Variants in PLEKHM3 observed in about 807,000 individuals in gnomAD.
The protein encoded by PLEKHM3 is pleckstrin homology domain-containing family M member 3.
In PLEKHM3, 45 loss-of-function variants were observed where a neutral mutation model predicts 81.8. The observed-to-expected ratio is 0.55, with a 90% CI of 0.43 to 0.71. PLEKHM3 has a LOEUF of 0.71. Among genes scored for constraint, PLEKHM3 ranks in the 30% least tolerant of loss-of-function variants. PLEKHM3 has a pLI of 0.00. For missense variants in PLEKHM3, 788 were observed against 924.3 expected, an observed-to-expected ratio of 0.85 and a Z score of 1.91; for synonymous variants, 352 against 356.4, an observed-to-expected ratio of 0.99 and a Z score of 0.14.
chr2:207,906,084 G>A (rs926622369), intron 6 of PLEKHM3, among the ~76,000 whole-genome samples: 7 of 152,280 alleles, frequency 4.6e-5, no homozygotes, highest in Middle Eastern at 3.4e-3. Flanking sequence ...CAAAACTCAC[G>A]TTTGAAAGGC....
At chr2:207,881,227 T>C (rs2092589849) in intron 6 of PLEKHM3, among the ~76,000 whole-genome samples, 1 of 152,218 alleles carries the variant, frequency 6.6e-6, no homozygotes, top group African/African-American at 2.4e-5. Context: ...TAGCTAATTC[T>C]TCTGAAGATT....
intron 4 of PLEKHM3, among the ~76,000 whole-genome samples, chr2:207,936,270 T>C (rs1490908298): frequency 6.6e-6 from 1 of 152,152 alleles, no homozygotes; most frequent in Non-Finnish European, 1.5e-5. Context: ...CTGCGCCCAG[T>C]CTATTTGTGT....
chr2:207,869,228 A>G (rs1305180275), intron 6 of PLEKHM3, among the ~76,000 whole-genome samples: 1 of 152,218 alleles, frequency 6.6e-6, no homozygotes, highest in Non-Finnish European at 1.5e-5. Flanking sequence ...ATTTGGTAAT[A>G]TGACTAGTGA....
In PLEKHM3 at chr2:207,976,146, C is replaced by T. The variant is rs963411653; in HGVS notation, c.1546+505G>A. 5.3e-5 allele frequency among the ~76,000 whole-genome samples: 8 copies of T among 152,214 alleles called. 1 individual carries two copies. Among genetic ancestry groups the T allele is most frequent in the African/African-American group, 1.9e-4 (8 of 41,448 alleles). The stretch of plus-strand genomic sequence containing the variant: ...CCGCTTTTAGCCACCCCCACATTTT[C>T]TGTCAAGACTGATTTTCTAGATTTC... On this transcript the variant is annotated intron_variant, in intron 3 of 7. Transcript: ENST00000427836. This position sits in a 1 kb window ranked among gnomAD's most constrained non-coding sequence, Gnocchi z 4.1.
chr2:207,833,430 T>C (rs1293991104), intron 7 of PLEKHM3, among the ~76,000 whole-genome samples: 1 of 152,170 alleles, frequency 6.6e-6, no homozygotes, highest in East Asian at 1.9e-4. Context: ...CGTCCTCCCT[T>C]TGCAGTGTCT....
chr2:207,849,136 C>G (rs1333752880), intron 7 of PLEKHM3, among the ~76,000 whole-genome samples: 7 of 152,074 alleles, frequency 4.6e-5, no homozygotes, highest in Non-Finnish European at 1.0e-4. Flanking sequence ...GAGTTCGAGA[C>G]CAGCCTGGCC....
intron 2 of PLEKHM3, among the ~76,000 whole-genome samples, chr2:207,984,215 T>C (rs1691637901): frequency 6.6e-6 from 1 of 152,198 alleles, no homozygotes; most frequent in Non-Finnish European, 1.5e-5. Flanking sequence ...TGCTGGTATG[T>C]TTGAAAGCAA....
chr2:207,919,756 G>T (rs1397443463), intron 5 of PLEKHM3, among the ~76,000 whole-genome samples: 3 of 152,188 alleles, frequency 2.0e-5, no homozygotes, highest in Non-Finnish European at 4.4e-5. Context: ...GACAGCCAAA[G>T]AACATTTCAA....
At chr2:207,981,127 CAA>C (rs553157217) in intron 2 of PLEKHM3, among the ~76,000 whole-genome samples, 16 of 73,446 alleles carry the variant, frequency 2.2e-4, no homozygotes, top group Admixed American at 4.9e-4. Context: ...GACTCCATCT[CAA>C]AAAAAAAAAA....
chr2:207,930,622 T>G (rs1689558213), intron 5 of PLEKHM3, among the ~76,000 whole-genome samples: 1 of 152,158 alleles, frequency 6.6e-6, no homozygotes, highest in Admixed American at 6.5e-5. Flanking sequence ...TTTCCATGAT[T>G]ATTATCTCAA....
intron 6 of PLEKHM3, among the ~76,000 whole-genome samples, chr2:207,874,139 A>T (rs2092548919): frequency 6.6e-6 from 1 of 152,192 alleles, no homozygotes; most frequent in Non-Finnish European, 1.5e-5. Context: ...GCACCTGTAC[A>T]TCCGGAATAT....
intron 1 of PLEKHM3, among the ~76,000 whole-genome samples, chr2:208,007,828 G>A (rs1404391198): frequency 6.6e-6 from 1 of 152,138 alleles, no homozygotes; most frequent in Non-Finnish European, 1.5e-5. Flanking sequence ...GGCCAAGGCG[G>A]GTGGATCACA....
intron 2 of PLEKHM3, 42 bp downstream of exon 2, chr2:208,000,988 G>GAAA (rs77301165): frequency 2.1e-5 from 24 of 1,143,112 alleles, no homozygotes; most frequent in Non-Finnish European, 2.6e-5. Context: ...GCCCCAAAAA[G>GAAA]AAAAAAAAAA....
chr2:207,951,861 G>A (rs114742368), intron 3 of PLEKHM3, among the ~76,000 whole-genome samples: 2,879 of 152,172 alleles, frequency 0.019, 95 homozygotes, highest in African/African-American at 0.065. Flanking sequence ...TCTACTTTAC[G>A]ACTATTACCT....
At chr2:207,884,210 G>A (rs1687812284) in intron 6 of PLEKHM3, among the ~76,000 whole-genome samples, 1 of 136,298 alleles carries the variant, frequency 7.3e-6, no homozygotes, top group East Asian at 2.2e-4. Context: ...CAGGACATCT[G>A]AAAAACTCAC....
chr2:207,952,724 C>T (rs763983585), intron 3 of PLEKHM3, among the ~76,000 whole-genome samples: 3 of 152,156 alleles, frequency 2.0e-5, no homozygotes, highest in Non-Finnish European at 4.4e-5. Context: ...AAACCTGGGC[C>T]CCATATTTGC....
At chr2:207,900,589 A>G (rs1398631285) in intron 6 of PLEKHM3, 1 of 152,218 alleles carries the variant, frequency 6.6e-6, no homozygotes, top group Non-Finnish European at 1.5e-5. Context: ...GTATTCCCCA[A>G]GTACCCTAGG....
At chr2:207,984,839 T>C (rs1445968294) in intron 2 of PLEKHM3, among the ~76,000 whole-genome samples, 1 of 152,194 alleles carries the variant, frequency 6.6e-6, no homozygotes, top group Non-Finnish European at 1.5e-5. Flanking sequence ...CTGTAGAATT[T>C]CCCACATTCT....
Position 207,977,254 on chromosome 2 carries a change from T to A in PLEKHM3, c.943A>T (p.Met315Leu). 6.2e-7 allele frequency: 1 copy of A among 1,614,166 alleles called. No individual in the cohort carries two copies. Among genetic ancestry groups the A allele is most frequent in the African/African-American group, 1.3e-5 (1 of 75,038 alleles). Reference sequence around the variant, plus strand: ...ATTGTCAGCTCATTCTGCCGCCCCATGTAACCGGGCACAGCAGCATGCACT... The same window carrying A: ...ATTGTCAGCTCATTCTGCCGCCCCAAGTAACCGGGCACAGCAGCATGCACT... ...EVVHAAVPGY[M>L]GRQNELTISP... The change falls in exon 3 of 8, where the codon ATG becomes TTG. Residue 315 changes from methionine to leucine, a missense_variant. Physicochemically the swap from Met to Leu is conservative, Grantham distance 15 (BLOSUM62 2). Coordinates refer to ENST00000427836, the MANE Select transcript of PLEKHM3 (RefSeq NM_001080475.3).
Sources: gnomAD v4.1 joint callset for allele counts (sites outside exome capture counted in the v4.1 genomes callset) on GRCh38, gnomAD v4.1.1 for gene constraint, Gnocchi (gnomAD v3.1) non-coding constraint, MANE v1.5 for transcripts, NCBI Gene and HGNC (gene_info 2026-07-23, HGNC 2026-07-21) for gene names.